The following CA10 variants were observed in gnomAD, a reference collection of about 807,000 sequenced individuals.
CA10 encodes the protein carbonic anhydrase-related protein 10.
In CA10, 14 loss-of-function variants were observed where a neutral mutation model predicts 44.2. That is an observed-to-expected ratio of 0.32 (90% CI 0.21 to 0.50). CA10 has a LOEUF of 0.50. CA10 is among the 20% of genes least tolerant of loss of function. The pLI, the probability that CA10 is intolerant of heterozygous loss-of-function variation, is 0.99. For synonymous variants in CA10, 159 were observed against 141.6 expected (o/e 1.12, Z -0.87); for missense variants, 350 against 409.7 (o/e 0.85, Z 1.26).
rs546398301 is a variant in CA10, at chr17:51,960,411, AC to A, written c.137-29280del. Among the ~76,000 whole-genome samples, 181 of 151,118 alleles carry A rather than the reference AC, an allele frequency of 1.2e-3. 4 individuals carry two copies. The South Asian group carries it at 0.022, about 18-fold the overall frequency. ...TTACAGATTTGGGAGGCTGAGAAAC[AC>A]CCCCCACCACCAAAAAAAAAATTTC... On this transcript the variant is annotated intron_variant, in intron 2 of 8. Transcript: ENST00000451037.
intron 4 of CA10, among the ~76,000 whole-genome samples, chr17:51,662,997 C>T (rs1254486809): frequency 2.0e-5 from 3 of 152,148 alleles, no homozygotes; most frequent in African/African-American, 7.2e-5. Context: ...AGTCAGATAC[C>T]TCTTCTGTCC....
chr17:51,934,233 A>C (rs1433888133), intron 2 of CA10, among the ~76,000 whole-genome samples: 3 of 152,134 alleles, frequency 2.0e-5, no homozygotes, highest in Non-Finnish European at 4.4e-5. Context: ...TAAATTCATT[A>C]CATGGATTTA....
intron 2 of CA10, among the ~76,000 whole-genome samples, chr17:51,996,833 A>C (rs1056760879): frequency 6.6e-6 from 1 of 152,060 alleles, no homozygotes; most frequent in Non-Finnish European, 1.5e-5. Flanking sequence ...CTTACCTTGT[A>C]AATAACAGCT....
intron 2 of CA10, among the ~76,000 whole-genome samples, chr17:51,994,484 G>T (rs1017233558): frequency 2.0e-5 from 3 of 152,038 alleles, no homozygotes; most frequent in Admixed American, 6.6e-5. Context: ...GTTTGCAGAA[G>T]TCCTGAGAGA....
At chr17:51,720,575 A>G (rs2143528550) in intron 4 of CA10, among the ~76,000 whole-genome samples, 2 of 152,350 alleles carry the variant, frequency 1.3e-5, no homozygotes, top group African/African-American at 4.8e-5. Context: ...ATGGAATACT[A>G]TACAGCCTTA....
At chr17:51,806,826 T>C (rs1907157855) in intron 3 of CA10, among the ~76,000 whole-genome samples, 1 of 152,206 alleles carries the variant, frequency 6.6e-6, no homozygotes, top group African/African-American at 2.4e-5. Flanking sequence ...GCACTTTCCT[T>C]CATTGGGGAA....
rs113173007 is a variant in CA10 at position 51,703,030 on chromosome 17, T to C, written c.465+44603A>G. Among the ~76,000 whole-genome samples, 1,501 of 152,314 alleles carry C rather than the reference T, an allele frequency of 9.9e-3. 29 individuals are homozygous for C. The highest frequency in any genetic ancestry group is 0.034 in the African/African-American group (1,427 of 41,570). On this transcript the variant is annotated intron_variant, in intron 4 of 8. Transcript: ENST00000451037. ...TGTATCCTGCTGGGAGGTTGTTATA[T>C]ACAAATCACTGTGCCCGTTTAGCAG...
chr17:52,142,602 T>G (rs994223527), intron 1 of CA10, among the ~76,000 whole-genome samples: 1 of 152,162 alleles, frequency 6.6e-6, no homozygotes, highest in Non-Finnish European at 1.5e-5. Flanking sequence ...TATATAAAAT[T>G]ACAGCAGACA....
At chr17:52,011,644 T>C (rs1008376080) in intron 2 of CA10, among the ~76,000 whole-genome samples, 2 of 152,054 alleles carry the variant, frequency 1.3e-5, no homozygotes, top group Non-Finnish European at 2.9e-5. Flanking sequence ...GGAGAGCTAT[T>C]TCCTACTTTA....
intron 3 of CA10, among the ~76,000 whole-genome samples, chr17:51,754,390 G>C (rs1905003975): frequency 8.4e-6 from 1 of 119,090 alleles, no homozygotes; most frequent in Non-Finnish European, 1.7e-5. Flanking sequence ...ACATACTACT[G>C]TGTGTGTGTG....
chr17:51,959,902 C>A (rs749426473), intron 2 of CA10, among the ~76,000 whole-genome samples: 4 of 151,106 alleles, frequency 2.6e-5, no homozygotes, highest in Non-Finnish European at 5.9e-5. Flanking sequence ...TAAGGCAATC[C>A]CAAATTACTA....
intron 2 of CA10, among the ~76,000 whole-genome samples, chr17:52,047,315 CAAT>C (rs1303718942): frequency 6.6e-6 from 1 of 151,942 alleles, no homozygotes; most frequent in Admixed American, 6.6e-5. Context: ...TCCTCTACTA[CAAT>C]GAGGCACAAG....
At chr17:51,659,361 A>T (rs561550977) in intron 4 of CA10, among the ~76,000 whole-genome samples, 1 of 152,296 alleles carries the variant, frequency 6.6e-6, no homozygotes, top group South Asian at 2.1e-4. Flanking sequence ...GGATTACACC[A>T]TCAGCACCTC....
At chr17:51,939,411 T>C (rs1182275979) in intron 2 of CA10, among the ~76,000 whole-genome samples, 1 of 152,072 alleles carries the variant, frequency 6.6e-6, no homozygotes, top group Non-Finnish European at 1.5e-5. Flanking sequence ...TTCATTTCAG[T>C]AGAAAAGATT....
intron 2 of CA10, among the ~76,000 whole-genome samples, chr17:52,067,439 G>A (rs978278769): frequency 2.0e-5 from 3 of 152,260 alleles, no homozygotes; most frequent in African/African-American, 4.8e-5. Flanking sequence ...TGTCCAGGCA[G>A]AAGTTTGCTG....
In CA10 at chr17:51,878,829, CATATATATATATATATAT is replaced by C. The variant is rs61340613; in HGVS notation, c.279+52143_279+52160del. 8.0e-3 allele frequency among the ~76,000 whole-genome samples: 297 copies of C among 36,916 alleles called. 5 individuals are homozygous for C. Among genetic ancestry groups the C allele is most frequent in the Non-Finnish European group, 0.01 (171 of 16,744 alleles). The allele number at this position is 36,916 out of a possible 152,430, so 24.2% of individuals were successfully genotyped here. A position where few individuals can be genotyped will look rare whatever the true frequency, so the allele number is the denominator to read the frequency against. On this transcript the variant is annotated intron_variant, in intron 3 of 8. Transcript: ENST00000451037. ...AACTCTTTTTCAATTTTTTCATGTT[CATATATATATATATATAT>C]ATATATATATATATATATATATATA...
At chr17:51,921,155 C>A (rs1040366831) in intron 3 of CA10, among the ~76,000 whole-genome samples, 2 of 152,176 alleles carry the variant, frequency 1.3e-5, no homozygotes, top group Admixed American at 6.5e-5. Flanking sequence ...TTCCACACGT[C>A]CCATCTAACC....
intron 4 of CA10, among the ~76,000 whole-genome samples, chr17:51,692,263 G>A (rs1018462412): frequency 1.0e-5 from 1 of 95,436 alleles, no homozygotes. Flanking sequence ...GGTAGCTATT[G>A]TAAATGGGAT....
chr17:52,121,701 C>T (rs1264303610), intron 1 of CA10, among the ~76,000 whole-genome samples: 1 of 151,856 alleles, frequency 6.6e-6, no homozygotes, highest in Non-Finnish European at 1.5e-5. Context: ...CACACACACA[C>T]ACCAGGGCAA....
Sources: gnomAD v4.1 joint callset for allele counts (sites outside exome capture counted in the v4.1 genomes callset) on GRCh38, gnomAD v4.1.1 for gene constraint, MANE v1.5 for transcripts, NCBI Gene and HGNC (gene_info 2026-07-23, HGNC 2026-07-21) for gene names.